The following SLC15A2 variants were observed in gnomAD, a reference collection of about 807,000 sequenced individuals.
SLC15A2 encodes the protein kidney H(+)/peptide cotransporter.
A neutral mutation model predicts 95.5 loss-of-function variants in SLC15A2; 77 were observed. The observed-to-expected ratio is 0.81, with a 90% CI of 0.67 to 0.97. The LOEUF (loss-of-function observed/expected upper bound fraction) is 0.97. SLC15A2 is among the 50% of genes least tolerant of loss of function. The pLI is 0.00. For synonymous variants in SLC15A2, 306 were observed against 306.9 expected (o/e 1.00, Z 0.03); for missense variants, 893 against 874.4 (o/e 1.02, Z -0.27).
At chr3:121,925,738 A>G (rs1340589772) in intron 13 of SLC15A2, among the ~76,000 whole-genome samples, 4 of 30,404 alleles carry the variant, frequency 1.3e-4, no homozygotes, top group East Asian at 1.3e-3. Flanking sequence ...ATATATATAT[A>G]TATATATATA....
chr3:121,939,713 A>C (rs1378099954), intron 20 of SLC15A2, among the ~76,000 whole-genome samples: 2 of 152,144 alleles, frequency 1.3e-5, no homozygotes, highest in Non-Finnish European at 2.9e-5. Flanking sequence ...GAGATTAAAG[A>C]TTAAAATGAA....
chr3:121,918,909 A>G (rs1360724724), intron 7 of SLC15A2, among the ~76,000 whole-genome samples: 1 of 152,226 alleles, frequency 6.6e-6, no homozygotes, highest in Non-Finnish European at 1.5e-5. Flanking sequence ...TTTGTCAGCC[A>G]GAAATCTCTG....
At chr3:121,899,397 C>T (rs1379980354) in intron 3 of SLC15A2, among the ~76,000 whole-genome samples, 2 of 152,126 alleles carry the variant, frequency 1.3e-5, no homozygotes, top group Non-Finnish European at 2.9e-5. Context: ...CACTATTCCC[C>T]TCTCTTGCCT....
At chr3:121,913,980 C>A (rs1270762392) in intron 5 of SLC15A2, among the ~76,000 whole-genome samples, 1 of 151,086 alleles carries the variant, frequency 6.6e-6, no homozygotes, top group Admixed American at 6.6e-5. Flanking sequence ...TCTCTCTTTC[C>A]TCTTCCCTCT....
At chr3:121,938,365 TC>T (rs1315575839) in intron 19 of SLC15A2, among the ~76,000 whole-genome samples, 1 of 152,200 alleles carries the variant, frequency 6.6e-6, no homozygotes, top group African/African-American at 2.4e-5. Flanking sequence ...TCCCCCAGCC[TC>T]GCTGCCACCT....
intron 4 of SLC15A2, among the ~76,000 whole-genome samples, chr3:121,912,415 G>A (rs550778603): frequency 2.9e-4 from 44 of 152,118 alleles, no homozygotes; most frequent in South Asian, 2.3e-3. Context: ...TGTATTTTTC[G>A]TAGAGATGGG....
At chr3:121,924,491 C>G in intron 12 of SLC15A2, 108 bp downstream of exon 12, 2 of 965,124 alleles carry the variant, frequency 2.1e-6, no homozygotes, top group East Asian at 2.4e-5. Flanking sequence ...TCCTTGTACG[C>G]TGATAAGGGC....
At chr3:121,898,196 A>T (rs1201499895) in intron 3 of SLC15A2, among the ~76,000 whole-genome samples, 1 of 151,378 alleles carries the variant, frequency 6.6e-6, no homozygotes, top group Non-Finnish European at 1.5e-5. Flanking sequence ...TGATGCTTTT[A>T]TGTAGTTATT....
intron 3 of SLC15A2, among the ~76,000 whole-genome samples, chr3:121,898,161 C>CAA (rs60394236): frequency 9.5e-4 from 133 of 140,368 alleles, no homozygotes; most frequent in Admixed American, 1.3e-3. Flanking sequence ...GACTCTGTCT[C>CAA]AAAAAAAAAA....
rs915079514 is a variant in SLC15A2 at position 121,941,845 on chromosome 3, A to G, written c.*838A>G. The G allele has an allele frequency of 3.3e-5, 5 of 152,224 alleles. No individual in the cohort carries two copies. The highest frequency in any genetic ancestry group is 1.2e-4 in the African/African-American group (5 of 41,450). 9.4% of individuals were successfully genotyped at this position (152,224 alleles called of 1,614,324 possible). On this transcript the variant is annotated 3_prime_UTR_variant, in exon 22 of 22. Coordinates refer to ENST00000489711, the MANE Select transcript of SLC15A2 (RefSeq NM_021082.4). ...CCCTTCAGTGAACAGTTGTATAAAC[A>G]ATAATTATAATTTGCAACCTTGTCT...
intron 3 of SLC15A2, among the ~76,000 whole-genome samples, chr3:121,910,959 C>A (rs1399650702): frequency 6.6e-6 from 1 of 152,172 alleles, no homozygotes; most frequent in East Asian, 1.9e-4. Flanking sequence ...TCCTTTCTTA[C>A]CCTTGTTAAC....
At chr3:121,914,924 CA>C (rs1459620821) in intron 5 of SLC15A2, 11 of 841,526 alleles carry the variant, frequency 1.3e-5, no homozygotes, top group Non-Finnish European at 1.6e-5. Context: ...AATGCAAAGA[CA>C]TTAATATTAG....
intron 14 of SLC15A2, chr3:121,928,179 G>A: frequency 1.8e-6 from 1 of 559,954 alleles, no homozygotes; most frequent in Non-Finnish European, 3.1e-6. Flanking sequence ...TATTACGGAT[G>A]AGGCCACAGC....
chr3:121,911,787 T>C (rs1368694164), intron 4 of SLC15A2, 121 bp downstream of exon 4: 3 of 700,132 alleles, frequency 4.3e-6, no homozygotes, highest in Non-Finnish European at 7.4e-6. Flanking sequence ...CAAAACTGGT[T>C]AAGAAAAACA....
At chr3:121,904,029 G>A (rs1184269706) in intron 3 of SLC15A2, among the ~76,000 whole-genome samples, 2 of 152,122 alleles carry the variant, frequency 1.3e-5, no homozygotes, top group African/African-American at 2.4e-5. Flanking sequence ...ATTTCATTGA[G>A]CAATGGTTTG....
intron 19 of SLC15A2, among the ~76,000 whole-genome samples, chr3:121,931,996 T>A (rs1710243172): frequency 6.6e-6 from 1 of 152,024 alleles, no homozygotes; most frequent in Admixed American, 6.6e-5. Flanking sequence ...GCCTCCCGGG[T>A]TAAAGTGATT....
At chr3:121,923,304 T>G in intron 11 of SLC15A2, 38 bp downstream of exon 11, 2 of 1,587,152 alleles carry the variant, frequency 1.3e-6, no homozygotes, top group Non-Finnish European at 1.7e-6. Flanking sequence ...TCTATTATTT[T>G]CTTCATCATC....
Position 121,897,534 on chromosome 3 carries a change from G to T in SLC15A2, c.335+5G>T. The T allele has an allele frequency of 6.2e-7, 1 of 1,613,820 alleles. No homozygotes were observed. ...CTCGTGGTTGGGAAAATTCAAGTAA[G>T]GAAGATGGGAGGTCACATCCCTACA... On this transcript the variant is annotated splice_donor_5th_base_variant and intron_variant, in intron 3 of 21. Coordinates refer to ENST00000489711, the MANE Select transcript of SLC15A2 (RefSeq NM_021082.4).
At position 121,913,260 on chromosome 3, in the gene SLC15A2, G is replaced by A. The variant is rs1469506592; in HGVS notation, c.528+140G>A. The stretch of plus-strand genomic sequence containing the variant: ...GCAGTTGTATTCAATGCTGGATACT[G>A]GCCATTAATAGTGAGGAAAACTGAA... On this transcript the variant is annotated intron_variant, in intron 5 of 21. Transcript: ENST00000489711. 6.5e-6 allele frequency: 4 copies of A among 616,856 alleles called. No individual in the cohort carries two copies. In the African/African-American group the frequency reaches 7.3e-5, roughly 11 times the overall value. 38.2% of individuals were successfully genotyped at this position (616,856 alleles called of 1,614,324 possible).
Sources: gnomAD v4.1 joint callset for allele counts (sites outside exome capture counted in the v4.1 genomes callset) on GRCh38, gnomAD v4.1.1 for gene constraint, MANE v1.5 for transcripts, NCBI Gene and HGNC (gene_info 2026-07-23, HGNC 2026-07-21) for gene names.